PCDH9: variants seen among roughly 807,000 people sequenced by gnomAD.
The protein encoded by PCDH9 is protocadherin-9.
A neutral mutation model predicts 70.6 loss-of-function variants in PCDH9; 24 were observed. That is an observed-to-expected ratio of 0.34 (90% confidence interval 0.25 to 0.48). The LOEUF is 0.48. PCDH9 is among the 20% of genes least tolerant of loss of function. The pLI is 0.99. For synonymous variants in PCDH9, 562 were observed against 558.5 expected (o/e 1.01, Z -0.09); for missense variants, 1,281 against 1,503.6 (o/e 0.85, Z 2.45).
chr13:66,548,628 ACTCTTGC>A (rs1221099626), intron 4 of PCDH9, among the ~76,000 whole-genome samples: 1 of 151,924 alleles, frequency 6.6e-6, no homozygotes, highest in Non-Finnish European at 1.5e-5. Flanking sequence ...AAGTTATGAA[ACTCTTGC>A]CTTTGGATTT....
intron 4 of PCDH9, among the ~76,000 whole-genome samples, chr13:66,313,978 T>C (rs1046744494): frequency 6.6e-6 from 1 of 152,232 alleles, no homozygotes; most frequent in Non-Finnish European, 1.5e-5. Context: ...TCTGTAGGTA[T>C]ACGCGTGTGT....
intron 4 of PCDH9, among the ~76,000 whole-genome samples, chr13:66,340,966 T>G (rs1246384655): frequency 6.6e-6 from 1 of 152,336 alleles, no homozygotes; most frequent in East Asian, 1.9e-4. Flanking sequence ...TTATCTTGAT[T>G]ACCATTGCCC....
At chr13:66,975,061 T>A (rs2083590657) in intron 2 of PCDH9, among the ~76,000 whole-genome samples, 1 of 151,994 alleles carries the variant, frequency 6.6e-6, no homozygotes, top group African/African-American at 2.4e-5. Flanking sequence ...AAAAGAAAAT[T>A]GTGGGTTTAA....
At chr13:66,901,931 GA>G (rs1372096674) in intron 3 of PCDH9, among the ~76,000 whole-genome samples, 2 of 151,580 alleles carry the variant, frequency 1.3e-5, no homozygotes, top group Non-Finnish European at 3.0e-5. Flanking sequence ...ATAATTCTTA[GA>G]AATCTGAAAT....
chr13:66,872,693 T>C (rs2081717879), intron 3 of PCDH9, among the ~76,000 whole-genome samples: 2 of 152,080 alleles, frequency 1.3e-5, no homozygotes. Flanking sequence ...AATATGATAT[T>C]TTAACACAGG....
At chr13:66,910,805 A>T (rs969943923) in intron 2 of PCDH9, among the ~76,000 whole-genome samples, 2 of 152,174 alleles carry the variant, frequency 1.3e-5, no homozygotes, top group African/African-American at 2.4e-5. Context: ...TTTATTGCGT[A>T]AGTGGTATTT....
intron 4 of PCDH9, among the ~76,000 whole-genome samples, chr13:66,538,390 C>G (rs776297223): frequency 2.0e-5 from 3 of 152,148 alleles, no homozygotes; most frequent in East Asian, 1.9e-4. Flanking sequence ...AAGAATGGTG[C>G]CTTTTACTGA....
At chr13:67,164,914 C>T (rs539103265) in intron 2 of PCDH9, among the ~76,000 whole-genome samples, 1 of 152,210 alleles carries the variant, frequency 6.6e-6, no homozygotes, top group East Asian at 1.9e-4. Flanking sequence ...TAGCACTAGT[C>T]CTATGGAAAT....
At chr13:66,891,639 C>T (rs529800510) in intron 3 of PCDH9, among the ~76,000 whole-genome samples, 1 of 152,052 alleles carries the variant, frequency 6.6e-6, no homozygotes, top group African/African-American at 2.4e-5. Flanking sequence ...AATAATTATA[C>T]AGCAATAGAA....
chr13:66,951,010 T>C (rs61959219), intron 2 of PCDH9, among the ~76,000 whole-genome samples: 24,343 of 152,214 alleles, frequency 0.16, 2,134 homozygotes, highest in Non-Finnish European at 0.18. Context: ...TTCTCAATGT[T>C]TACTGGATGA....
chr13:67,067,230 G>A (rs1054558177), intron 2 of PCDH9, among the ~76,000 whole-genome samples: 3 of 152,198 alleles, frequency 2.0e-5, no homozygotes, highest in Non-Finnish European at 4.4e-5. Flanking sequence ...TGGCAAGTTC[G>A]ACACTAGAAT....
At chr13:66,513,825 C>A (rs578161561) in intron 4 of PCDH9, among the ~76,000 whole-genome samples, 4 of 150,794 alleles carry the variant, frequency 2.7e-5, no homozygotes, top group African/African-American at 9.7e-5. Context: ...AACAGTTTGG[C>A]AATGAGGTAA....
At chr13:66,468,403 G>A (rs933942012) in intron 4 of PCDH9, among the ~76,000 whole-genome samples, 2 of 152,058 alleles carry the variant, frequency 1.3e-5, no homozygotes, top group Non-Finnish European at 2.9e-5. Flanking sequence ...TGAACCCAGA[G>A]TGAAACTTTT....
chr13:66,510,606 C>T (rs911512331), intron 4 of PCDH9, among the ~76,000 whole-genome samples: 6 of 152,000 alleles, frequency 3.9e-5, no homozygotes, highest in Non-Finnish European at 7.4e-5. Context: ...TGAGAACATG[C>T]GGTGTTTGGT....
At chr13:66,680,305 A>G (rs938534393) in intron 3 of PCDH9, among the ~76,000 whole-genome samples, 1 of 152,030 alleles carries the variant, frequency 6.6e-6, no homozygotes, top group African/African-American at 2.4e-5. Flanking sequence ...TAGGTAATTT[A>G]GAAAGTTTCC....
chr13:67,212,633 A>C (rs1346504639), intron 2 of PCDH9: 1 of 152,178 alleles, frequency 6.6e-6, no homozygotes, highest in Non-Finnish European at 1.5e-5. Context: ...GAAAGCATGA[A>C]AATTTAAAAC....
chr13:66,926,582 G>C (rs1311391425), intron 2 of PCDH9, among the ~76,000 whole-genome samples: 4 of 151,884 alleles, frequency 2.6e-5, no homozygotes, highest in Non-Finnish European at 5.9e-5. Context: ...TAATAACATG[G>C]GCATGAGCAG....
chr13:66,461,554 A>G (rs911875952), intron 4 of PCDH9, among the ~76,000 whole-genome samples: 2 of 151,784 alleles, frequency 1.3e-5, no homozygotes, highest in African/African-American at 4.8e-5. Context: ...TCTGCAAAAA[A>G]AAAAAGAAAA....
At chr13:67,069,277 G>A (rs1281747150) in intron 2 of PCDH9, among the ~76,000 whole-genome samples, 4 of 152,052 alleles carry the variant, frequency 2.6e-5, no homozygotes, top group Non-Finnish European at 4.4e-5. Flanking sequence ...ATGAATAACA[G>A]TATTGTTTTG....
Sources: allele counts gnomAD v4.1 joint callset (sites outside exome capture counted in the v4.1 genomes callset), GRCh38; gene constraint gnomAD v4.1.1; transcripts MANE v1.5; gene names NCBI Gene and HGNC (gene_info 2026-07-23, HGNC 2026-07-21).